The following CADM2 variants were observed in gnomAD, a reference collection of about 807,000 sequenced individuals.
CADM2 encodes immunoglobulin superfamily member 4D.
A neutral mutation model predicts 49.8 loss-of-function variants in CADM2; 12 were observed. The observed-to-expected ratio is 0.24, with a 90% CI of 0.15 to 0.39. CADM2 has a LOEUF of 0.39. CADM2 is among the 10% of genes least tolerant of loss of function. CADM2 has a pLI of 1.00. For missense variants in CADM2, 378 were observed against 492.3 expected (o/e 0.77, Z 2.20); for synonymous variants, 214 against 175.4 (o/e 1.22, Z -1.74).
At chr3:85,191,469 A>G (rs950252481) in intron 1 of CADM2, among the ~76,000 whole-genome samples, 11 of 152,080 alleles carry the variant, frequency 7.2e-5, no homozygotes, top group Admixed American at 2.6e-4. Context: ...TTTGACAAAC[A>G]TTTGTTATAA....
chr3:85,971,686 C>A (rs960145016), intron 8 of CADM2, among the ~76,000 whole-genome samples: 1 of 151,540 alleles, frequency 6.6e-6, no homozygotes, highest in African/African-American at 2.4e-5. Context: ...GTAGGCGGAG[C>A]TAAATGATAT....
intron 1 of CADM2, among the ~76,000 whole-genome samples, chr3:85,070,800 G>A (rs2036703242): frequency 6.6e-6 from 1 of 151,846 alleles, no homozygotes; most frequent in African/African-American, 2.4e-5. Context: ...AGACCATCCT[G>A]GCTAACATGG....
At chr3:85,654,820 T>C (rs2065148699) in intron 1 of CADM2, among the ~76,000 whole-genome samples, 1 of 152,240 alleles carries the variant, frequency 6.6e-6, no homozygotes, top group Admixed American at 6.5e-5. Context: ...GGGTCATGTA[T>C]GTTACAATTC....
chr3:85,360,811 GAACTTGTTTCCT>G, intron 1 of CADM2, among the ~76,000 whole-genome samples: 1 of 152,134 alleles, frequency 6.6e-6, no homozygotes, highest in South Asian at 2.1e-4. Flanking sequence ...TCTTAATTCT[GAACTTGTTTCCT>G]CAGTACCGTT....
intron 1 of CADM2, among the ~76,000 whole-genome samples, chr3:85,467,295 A>G (rs1310422949): frequency 2.0e-5 from 3 of 152,166 alleles, no homozygotes; most frequent in African/African-American, 7.2e-5. Flanking sequence ...GAGTTTTGGT[A>G]TGTTGTATTT....
intron 1 of CADM2, among the ~76,000 whole-genome samples, chr3:85,306,205 G>C (rs943007506): frequency 3.3e-5 from 5 of 151,578 alleles, no homozygotes; most frequent in African/African-American, 1.2e-4. Flanking sequence ...TAACCAGAAT[G>C]CTTAAATTTC....
At chr3:85,465,048 C>T (rs2038428036) in intron 1 of CADM2, among the ~76,000 whole-genome samples, 2 of 152,096 alleles carry the variant, frequency 1.3e-5, no homozygotes, top group African/African-American at 4.8e-5. Context: ...ACTCGGGAGG[C>T]TGAGGCAGAA....
chr3:85,588,385 A>G (rs2107328480), intron 1 of CADM2, among the ~76,000 whole-genome samples: 1 of 152,186 alleles, frequency 6.6e-6, no homozygotes, highest in African/African-American at 2.4e-5. Flanking sequence ...TACTCACCCC[A>G]CATTGACAGT....
chr3:85,958,511 C>A (rs1228167280), intron 7 of CADM2, among the ~76,000 whole-genome samples: 1 of 151,760 alleles, frequency 6.6e-6, no homozygotes, highest in African/African-American at 2.4e-5. Flanking sequence ...GGATCTATAA[C>A]CAGAAATACC....
chr3:85,401,781 A>G (rs1159470862), intron 1 of CADM2, among the ~76,000 whole-genome samples: 4 of 152,042 alleles, frequency 2.6e-5, no homozygotes, highest in Non-Finnish European at 4.4e-5. Context: ...ACCCCCGCCA[A>G]AAGTAGCTGA....
intron 3 of CADM2, among the ~76,000 whole-genome samples, chr3:85,841,067 C>T (rs966740421): frequency 6.6e-6 from 1 of 151,502 alleles, no homozygotes; most frequent in Non-Finnish European, 1.5e-5. Flanking sequence ...ATCAATATTA[C>T]AGAATGATTG....
chr3:85,267,261 G>A (rs376606265), intron 1 of CADM2, among the ~76,000 whole-genome samples: 15 of 151,784 alleles, frequency 9.9e-5, no homozygotes, highest in African/African-American at 2.9e-4. Context: ...TGTAGGTAGC[G>A]TCTGAAATGT....
intron 8 of CADM2, among the ~76,000 whole-genome samples, chr3:86,054,372 T>A (rs1450553829): frequency 6.6e-6 from 1 of 152,132 alleles, no homozygotes; most frequent in Non-Finnish European, 1.5e-5. Context: ...GTGACTAGTG[T>A]TGTTATATAC....
chr3:85,827,355 T>C (rs986925736), intron 3 of CADM2, among the ~76,000 whole-genome samples: 1 of 151,996 alleles, frequency 6.6e-6, no homozygotes, highest in Non-Finnish European at 1.5e-5. Flanking sequence ...CGTATACATT[T>C]TATAAAATAT....
At chr3:85,737,474 A>G (rs2068186572) in intron 2 of CADM2, among the ~76,000 whole-genome samples, 1 of 152,212 alleles carries the variant, frequency 6.6e-6, no homozygotes, top group African/African-American at 2.4e-5. Flanking sequence ...ATCATGCAAT[A>G]CAAGGTTATT....
intron 1 of CADM2, among the ~76,000 whole-genome samples, chr3:85,719,780 A>G (rs2067431590): frequency 6.6e-6 from 1 of 152,182 alleles, no homozygotes. Context: ...CTAAAACAGG[A>G]AAACATCCAA....
intron 1 of CADM2, among the ~76,000 whole-genome samples, chr3:84,991,123 T>G (rs1157401016): frequency 6.6e-6 from 1 of 152,132 alleles, no homozygotes; most frequent in Non-Finnish European, 1.5e-5. Context: ...TCTTTTGTAC[T>G]TATGCATCTG....
intron 1 of CADM2, among the ~76,000 whole-genome samples, chr3:85,026,007 G>A (rs2034711594): frequency 6.6e-6 from 1 of 152,116 alleles, no homozygotes; most frequent in African/African-American, 2.4e-5. Flanking sequence ...ATTCTTCACA[G>A]GTGGGTGCTC....
chr3:85,329,707 G>T (rs1447005482), intron 1 of CADM2, among the ~76,000 whole-genome samples: 1 of 152,082 alleles, frequency 6.6e-6, no homozygotes, highest in Non-Finnish European at 1.5e-5. Flanking sequence ...ATGATATGCT[G>T]AAGTATAATT....
Sources: gnomAD v4.1 joint callset for allele counts (sites outside exome capture counted in the v4.1 genomes callset) on GRCh38, gnomAD v4.1.1 for gene constraint, MANE v1.5 for transcripts, NCBI Gene and HGNC (gene_info 2026-07-23, HGNC 2026-07-21) for gene names.